The following CFAP221 variants were observed in gnomAD, a reference collection of about 807,000 sequenced individuals.
CFAP221 encodes the protein cilia and flagella associated protein 221, also known as cilia- and flagella-associated protein 221.
Under a neutral mutation model 113.1 loss-of-function variants are expected in CFAP221, and 97 were observed. The ratio of observed to expected loss-of-function variants is 0.86; its 90% CI spans 0.73 to 1.02. CFAP221 has a LOEUF of 1.02. Ranked by LOEUF, CFAP221 falls within the 50% of genes least tolerant of loss-of-function variation. The pLI is 0.00. For missense variants in CFAP221, 1,025 were observed against 1,013.4 expected (o/e 1.01, Z -0.16); for synonymous variants, 331 against 354.4 (o/e 0.93, Z 0.74).
At chr2:119,595,435 C>G (rs1027858952) in intron 7 of CFAP221, among the ~76,000 whole-genome samples, 1 of 152,132 alleles carries the variant, frequency 6.6e-6, no homozygotes, top group Admixed American at 6.5e-5. Context: ...CATTTTTACC[C>G]TTCTTTTCCT....
chr2:119,607,677 C>G (rs1342938267), intron 11 of CFAP221, among the ~76,000 whole-genome samples: 1 of 152,150 alleles, frequency 6.6e-6, no homozygotes, highest in Non-Finnish European at 1.5e-5. Context: ...ACTCCCCACC[C>G]CCTGGAGCCC....
intron 6 of CFAP221, among the ~76,000 whole-genome samples, chr2:119,576,676 TC>T (rs902820110): frequency 6.6e-6 from 1 of 152,190 alleles, no homozygotes; most frequent in African/African-American, 2.4e-5. Flanking sequence ...GAGGCTCCAA[TC>T]CCAGTGAGAT....
chr2:119,562,252 GCA>G, intron 6 of CFAP221, 138 bp downstream of exon 6: 6 of 171,360 alleles, frequency 3.5e-5, no homozygotes, highest in South Asian at 1.5e-4. Flanking sequence ...ATTGTAAAAG[GCA>G]AAAAAAAAAA....
chr2:119,608,125 A>G (rs939269008), intron 11 of CFAP221, among the ~76,000 whole-genome samples: 2 of 152,162 alleles, frequency 1.3e-5, no homozygotes, highest in African/African-American at 4.8e-5. Flanking sequence ...CATTCCCACT[A>G]GCAACATATG....
intron 6 of CFAP221, among the ~76,000 whole-genome samples, chr2:119,576,442 A>C (rs1237544089): frequency 6.6e-6 from 1 of 152,198 alleles, no homozygotes; most frequent in Admixed American, 6.5e-5. Context: ...CTTACAAGTG[A>C]AAACATGCGG....
downstream of CFAP221, among the ~76,000 whole-genome samples, chr2:119,659,610 G>T (rs1407111132): frequency 6.6e-6 from 1 of 152,292 alleles, no homozygotes; most frequent in Non-Finnish European, 1.5e-5. Context: ...CTTCTTGTGG[G>T]TAATTTTTAA....
At chr2:119,617,084 G>A (rs1398062442) in intron 14 of CFAP221, among the ~76,000 whole-genome samples, 1 of 152,232 alleles carries the variant, frequency 6.6e-6, no homozygotes, top group Non-Finnish European at 1.5e-5. Context: ...GGACAATAAT[G>A]AGACCTGTCT....
chr2:119,650,720 C>T (rs143490966), intron 22 of CFAP221, among the ~76,000 whole-genome samples: 3 of 152,272 alleles, frequency 2.0e-5, no homozygotes, highest in Non-Finnish European at 4.4e-5. Flanking sequence ...GACAAAGAAA[C>T]TGCTAATGGG....
chr2:119,629,439 C>T (rs968365463), intron 16 of CFAP221, among the ~76,000 whole-genome samples: 1 of 152,154 alleles, frequency 6.6e-6, no homozygotes, highest in Admixed American at 6.5e-5. Flanking sequence ...GCATGTTTCC[C>T]GTGGCTTCAA....
chr2:119,579,669 T>C (rs1682708253), intron 6 of CFAP221, among the ~76,000 whole-genome samples: 1 of 152,234 alleles, frequency 6.6e-6, no homozygotes, highest in Admixed American at 6.5e-5. Context: ...TTTTCCAGAC[T>C]GGCTAATGCA....
intron 7 of CFAP221, 45 bp from the exon 8 acceptor site, chr2:119,601,162 TGACTGGACTTG>T: frequency 7.0e-7 from 1 of 1,425,378 alleles, no homozygotes; most frequent in Non-Finnish European, 9.3e-7. Context: ...TGTCAGCATG[TGACTGGACTTG>T]GCAAGAAGAG....
At chr2:119,633,071 A>G (rs2104770655) in intron 19 of CFAP221, among the ~76,000 whole-genome samples, 1 of 152,216 alleles carries the variant, frequency 6.6e-6, no homozygotes, top group African/African-American at 2.4e-5. Context: ...ATTATGGTCA[A>G]CTGATTTTTG....
chr2:119,624,969 T>C (rs562337067), intron 14 of CFAP221, among the ~76,000 whole-genome samples: 5 of 151,752 alleles, frequency 3.3e-5, no homozygotes, highest in Admixed American at 6.6e-5. Context: ...TTTATACTTA[T>C]GTAACAAACC....
intron 22 of CFAP221, among the ~76,000 whole-genome samples, chr2:119,649,279 C>T (rs891741915): frequency 1.3e-5 from 2 of 152,204 alleles, no homozygotes; most frequent in South Asian, 2.1e-4. Flanking sequence ...CAGTACACTC[C>T]TCGACTTATG....
chr2:119,564,098 G>A (rs1681453695), intron 6 of CFAP221, among the ~76,000 whole-genome samples: 1 of 152,218 alleles, frequency 6.6e-6, no homozygotes, highest in Admixed American at 6.5e-5. Context: ...GCAGCACTGA[G>A]CAGGGGACTG....
chr2:119,618,659 G>A (rs959927979), intron 14 of CFAP221, among the ~76,000 whole-genome samples: 4 of 152,146 alleles, frequency 2.6e-5, no homozygotes, highest in African/African-American at 9.7e-5. Context: ...AAACTGGGTG[G>A]CCATTTGGGC....
chr2:119,617,089 C>T (rs1328059156), intron 14 of CFAP221, among the ~76,000 whole-genome samples: 1 of 152,206 alleles, frequency 6.6e-6, no homozygotes, highest in Non-Finnish European at 1.5e-5. Context: ...ATAATGAGAC[C>T]TGTCTCAAAG....
At chr2:119,639,082 G>T (rs1178676208) in intron 20 of CFAP221, among the ~76,000 whole-genome samples, 2 of 151,754 alleles carry the variant, frequency 1.3e-5, no homozygotes, top group Non-Finnish European at 2.9e-5. Context: ...CCGGGGGGGT[G>T]GGGGGGCGGG....
chr2:119,551,258 A>T (rs1049256747), intron 3 of CFAP221, among the ~76,000 whole-genome samples: 2 of 152,136 alleles, frequency 1.3e-5, no homozygotes, highest in Admixed American at 1.3e-4. Context: ...TCCCTTGGAG[A>T]TATACATAGG....
Sources: gnomAD v4.1 joint callset for allele counts (sites outside exome capture counted in the v4.1 genomes callset) on GRCh38, gnomAD v4.1.1 for gene constraint, MANE v1.5 for transcripts, NCBI Gene and HGNC (gene_info 2026-07-23, HGNC 2026-07-21) for gene names.